Variants in NKAIN2 observed in about 807,000 individuals in gnomAD.
The protein encoded by NKAIN2 is sodium/potassium transporting ATPase interacting 2, also known as sodium/potassium-transporting ATPase subunit beta-1-interacting protein 2.
Under a neutral mutation model 32.6 loss-of-function variants are expected in NKAIN2, and 14 were observed. The ratio of observed to expected loss-of-function variants is 0.43; its 90% CI spans 0.28 to 0.67. NKAIN2 has a LOEUF of 0.67. NKAIN2 is among the 30% of genes least tolerant of loss of function. The pLI is 0.17. For synonymous variants in NKAIN2, 80 were observed against 87.2 expected (o/e 0.92, Z 0.46); for missense variants, 198 against 258.3 (o/e 0.77, Z 1.60).
At chr6:124,373,687 G>A (rs761129551) in intron 3 of NKAIN2, among the ~76,000 whole-genome samples, 6 of 152,138 alleles carry the variant, frequency 3.9e-5, no homozygotes, top group Non-Finnish European at 7.4e-5. Flanking sequence ...GGGCACTAGT[G>A]TTCAAGAGCT....
intron 1 of NKAIN2, among the ~76,000 whole-genome samples, chr6:124,049,425 C>G (rs74605208): frequency 0.014 from 2,121 of 151,968 alleles, 48 homozygotes; most frequent in African/African-American, 0.049. Flanking sequence ...TTAGAGCTCC[C>G]CCGGGTTTAT....
chr6:124,299,583 G>T (rs1016343004), intron 2 of NKAIN2, among the ~76,000 whole-genome samples: 6 of 152,118 alleles, frequency 3.9e-5, no homozygotes, highest in Non-Finnish European at 8.8e-5. Flanking sequence ...ATAAAAAAAT[G>T]TTGTTTCTAT....
intron 1 of NKAIN2, among the ~76,000 whole-genome samples, chr6:123,910,477 G>A (rs1333918934): frequency 7.0e-6 from 1 of 142,752 alleles, no homozygotes; most frequent in Non-Finnish European, 1.5e-5. Flanking sequence ...CATTTGTTTT[G>A]AGGACATTAC....
At chr6:123,884,536 CT>C (rs1773623701) in intron 1 of NKAIN2, among the ~76,000 whole-genome samples, 3 of 152,122 alleles carry the variant, frequency 2.0e-5, no homozygotes, top group Admixed American at 6.6e-5. Flanking sequence ...CTAATTACCC[CT>C]AACACCATAG....
intron 1 of NKAIN2, among the ~76,000 whole-genome samples, chr6:123,921,428 A>C (rs149249983): frequency 1.3e-5 from 2 of 152,198 alleles, no homozygotes; most frequent in Admixed American, 1.3e-4. Context: ...TCATTCCCTC[A>C]GTCATAGAGT....
intron 1 of NKAIN2, among the ~76,000 whole-genome samples, chr6:123,835,264 A>G (rs573824450): frequency 6.6e-6 from 1 of 152,274 alleles, no homozygotes; most frequent in Non-Finnish European, 1.5e-5. Context: ...CCACCCACCC[A>G]TGTTTGTTAA....
chr6:124,686,650 A>G (rs902171931), intron 4 of NKAIN2, among the ~76,000 whole-genome samples: 4 of 152,182 alleles, frequency 2.6e-5, no homozygotes, highest in African/African-American at 7.2e-5. Context: ...ACAGATCCAA[A>G]CCATATCATA....
intron 1 of NKAIN2, among the ~76,000 whole-genome samples, chr6:123,934,794 T>C (rs1232470170): frequency 6.6e-6 from 1 of 152,066 alleles, no homozygotes; most frequent in East Asian, 1.9e-4. Context: ...ATTTAATTTC[T>C]GAAATTTAAA....
At chr6:124,815,234 A>ATATATATATG (rs1562400457) in intron 5 of NKAIN2, among the ~76,000 whole-genome samples, 6 of 144,886 alleles carry the variant, frequency 4.1e-5, no homozygotes, top group South Asian at 2.1e-4. Flanking sequence ...ACATATATAT[A>ATATATATATG]TATATATGTA....
intron 1 of NKAIN2, among the ~76,000 whole-genome samples, chr6:123,997,773 T>C (rs1032828779): frequency 6.6e-6 from 1 of 151,766 alleles, no homozygotes; most frequent in Non-Finnish European, 1.5e-5. Flanking sequence ...CCGGCTAATT[T>C]TTTGTATTTT....
At chr6:124,124,811 G>T (rs1786079954) in intron 1 of NKAIN2, among the ~76,000 whole-genome samples, 1 of 152,124 alleles carries the variant, frequency 6.6e-6, no homozygotes, top group Admixed American at 6.5e-5. Flanking sequence ...GAGGTTGATG[G>T]ATCTGAACTG....
intron 1 of NKAIN2, among the ~76,000 whole-genome samples, chr6:123,835,760 T>C (rs1774591120): frequency 6.6e-6 from 1 of 152,224 alleles, no homozygotes. Flanking sequence ...GTAGAAATGC[T>C]TTATCGCGTG....
chr6:124,752,481 G>T (rs563453664), intron 4 of NKAIN2, among the ~76,000 whole-genome samples: 1 of 151,730 alleles, frequency 6.6e-6, no homozygotes, highest in East Asian at 1.9e-4. Context: ...TCCCATCTTT[G>T]TTATTTCCTC....
intron 1 of NKAIN2, among the ~76,000 whole-genome samples, chr6:124,049,915 A>G (rs1782327285): frequency 6.6e-6 from 1 of 152,042 alleles, no homozygotes; most frequent in African/African-American, 2.4e-5. Flanking sequence ...CAAGTCAGAA[A>G]GTGTTTCCTT....
chr6:124,236,959 T>C (rs890593888), intron 1 of NKAIN2, among the ~76,000 whole-genome samples: 6 of 152,108 alleles, frequency 3.9e-5, no homozygotes, highest in Non-Finnish European at 7.4e-5. Flanking sequence ...AAGGAACATA[T>C]AAAATATTGC....
intron 2 of NKAIN2, among the ~76,000 whole-genome samples, chr6:124,304,390 C>T (rs1005504348): frequency 1.3e-5 from 2 of 151,952 alleles, no homozygotes; most frequent in East Asian, 1.9e-4. Context: ...TAGACCATAA[C>T]TGAAGGCAAG....
At chr6:124,375,123 A>G (rs1487453334) in intron 3 of NKAIN2, among the ~76,000 whole-genome samples, 1 of 152,030 alleles carries the variant, frequency 6.6e-6, no homozygotes, top group Non-Finnish European at 1.5e-5. Context: ...ATGAGAAAAT[A>G]AGACAACTCC....
At chr6:124,739,504 G>C (rs1777103768) in intron 4 of NKAIN2, among the ~76,000 whole-genome samples, 1 of 151,802 alleles carries the variant, frequency 6.6e-6, no homozygotes, top group Non-Finnish European at 1.5e-5. Context: ...TCTAACCAAT[G>C]ACCCTTCCAC....
chr6:124,658,475 G>A, intron 4 of NKAIN2, 89 bp downstream of exon 4: 1 of 1,591,348 alleles, frequency 6.3e-7, no homozygotes, highest in Non-Finnish European at 8.6e-7. Context: ...GGAATCTGTG[G>A]GTAAAGTGTG....
Sources: gnomAD v4.1 joint callset for allele counts (sites outside exome capture counted in the v4.1 genomes callset) on GRCh38, gnomAD v4.1.1 for gene constraint, MANE v1.5 for transcripts, NCBI Gene and HGNC (gene_info 2026-07-23, HGNC 2026-07-21) for gene names.